The following EDIL3 variants were observed in gnomAD, a reference collection of about 807,000 sequenced individuals.
EDIL3 encodes EGF like and discoidin domains 3, also known as EGF-like repeat and discoidin I-like domain-containing protein 3.
In EDIL3, 37 loss-of-function variants were observed where a neutral mutation model predicts 67.4. The observed-to-expected ratio is 0.55, with a 90% CI of 0.42 to 0.72. The LOEUF (loss-of-function observed/expected upper bound fraction) is 0.72. EDIL3 is among the 30% of genes least tolerant of loss of function. The pLI is 0.00. For synonymous variants in EDIL3, 195 were observed against 196.3 expected (o/e 0.99, Z 0.05); for missense variants, 527 against 586.3 (o/e 0.90, Z 1.04).
chr5:83,983,356 A>G (rs566371585), intron 9 of EDIL3, among the ~76,000 whole-genome samples: 1 of 152,244 alleles, frequency 6.6e-6, no homozygotes, highest in East Asian at 1.9e-4. Flanking sequence ...TATTAATTAG[A>G]TAGGTCGACG....
intron 2 of EDIL3, among the ~76,000 whole-genome samples, chr5:84,241,062 C>T (rs1433324462): frequency 6.6e-6 from 1 of 152,162 alleles, no homozygotes; most frequent in Non-Finnish European, 1.5e-5. Context: ...ATTCCTAGGA[C>T]AGGAAGTGAT....
chr5:84,255,003 T>C (rs569049315), intron 1 of EDIL3, among the ~76,000 whole-genome samples: 25 of 152,292 alleles, frequency 1.6e-4, no homozygotes, highest in Admixed American at 1.3e-3. Context: ...AGGTAGAACA[T>C]GTATGCGATG....
intron 4 of EDIL3, among the ~76,000 whole-genome samples, chr5:84,151,245 G>T (rs771077920): frequency 6.8e-6 from 1 of 147,854 alleles, no homozygotes; most frequent in Non-Finnish European, 1.5e-5. Flanking sequence ...ACTAAGAACT[G>T]CATACACACA....
chr5:84,358,640 A>G (rs1038719127), intron 1 of EDIL3, among the ~76,000 whole-genome samples: 26 of 106,996 alleles, frequency 2.4e-4, no homozygotes, highest in African/African-American at 8.0e-4. Context: ...GTCTTGCTCT[A>G]TCACCCAGGC....
intron 9 of EDIL3, among the ~76,000 whole-genome samples, chr5:84,000,555 A>G (rs562714678): frequency 6.6e-6 from 1 of 152,068 alleles, no homozygotes; most frequent in African/African-American, 2.4e-5. Flanking sequence ...ATCTCAAATC[A>G]AAACACCTAC....
chr5:84,100,566 G>A (rs1747345073), intron 6 of EDIL3, among the ~76,000 whole-genome samples: 1 of 152,004 alleles, frequency 6.6e-6, no homozygotes. Context: ...ACACACTGGG[G>A]ACTGTTGAGT....
At chr5:84,014,250 A>C (rs1408506168) in intron 9 of EDIL3, among the ~76,000 whole-genome samples, 1 of 152,214 alleles carries the variant, frequency 6.6e-6, no homozygotes, top group Non-Finnish European at 1.5e-5. Flanking sequence ...AGTCACAGAA[A>C]TTTATATCAT....
At chr5:84,178,060 G>T (rs147592748) in intron 4 of EDIL3, among the ~76,000 whole-genome samples, 13 of 152,008 alleles carry the variant, frequency 8.6e-5, no homozygotes, top group African/African-American at 3.1e-4. Flanking sequence ...CATTTTTATT[G>T]ATTTTCAGTA....
chr5:84,318,103 G>C (rs1028418055), intron 1 of EDIL3, among the ~76,000 whole-genome samples: 1 of 152,058 alleles, frequency 6.6e-6, no homozygotes, highest in Non-Finnish European at 1.5e-5. Flanking sequence ...AACTTACAAG[G>C]TATGTGAAGG....
Position 83,941,762 on chromosome 5 carries a change from G to C in EDIL3, c.*1657C>G, listed in dbSNP as rs1311296736. On this transcript the variant is annotated 3_prime_UTR_variant, in exon 11 of 11. Coordinates refer to ENST00000296591, the MANE Select transcript of EDIL3 (RefSeq NM_005711.5). ...AAGAACAAGAAGTAGAAAGCATATG[G>C]GCAAGGAACAAATATGTGGCCAGCC... The C allele has an allele frequency of 1.3e-5, 2 of 151,894 alleles. No individual in the cohort carries two copies. The highest frequency in any genetic ancestry group is 2.4e-5 in the African/African-American group (1 of 41,408). The allele number at this position is 151,894 out of a possible 1,614,324, so 9.4% of individuals were successfully genotyped here.
chr5:84,382,843 A>C (rs1278192416), intron 1 of EDIL3, among the ~76,000 whole-genome samples: 1 of 151,970 alleles, frequency 6.6e-6, no homozygotes, highest in Non-Finnish European at 1.5e-5. Context: ...ACCTACACAC[A>C]CGCCTACACG....
At chr5:84,286,277 A>G (rs894596243) in intron 1 of EDIL3, among the ~76,000 whole-genome samples, 2 of 152,124 alleles carry the variant, frequency 1.3e-5, no homozygotes, top group African/African-American at 4.8e-5. Flanking sequence ...TCCCCATTCT[A>G]TATATTTAGA....
intron 1 of EDIL3, among the ~76,000 whole-genome samples, chr5:84,262,289 T>A (rs541579154): frequency 6.6e-6 from 1 of 151,764 alleles, no homozygotes; most frequent in South Asian, 2.1e-4. Flanking sequence ...AATCCAAATA[T>A]CTCAATTTAT....
chr5:84,127,831 C>T (rs936073849), intron 5 of EDIL3, among the ~76,000 whole-genome samples: 1 of 152,086 alleles, frequency 6.6e-6, no homozygotes, highest in Non-Finnish European at 1.5e-5. Flanking sequence ...CTTGGCAATG[C>T]TATCTAATCT....
At chr5:84,160,883 C>A (rs1748601505) in intron 4 of EDIL3, among the ~76,000 whole-genome samples, 1 of 150,104 alleles carries the variant, frequency 6.7e-6, no homozygotes, top group Non-Finnish European at 1.5e-5. Context: ...TTTGGGGAAA[C>A]CAATGGTTTT....
intron 1 of EDIL3, among the ~76,000 whole-genome samples, chr5:84,284,342 G>C (rs1745766634): frequency 6.6e-6 from 1 of 152,000 alleles, no homozygotes; most frequent in South Asian, 2.1e-4. Context: ...CTCATGAGTG[G>C]TGCAGCAATG....
At chr5:84,357,502 AC>A (rs1387405131) in intron 1 of EDIL3, among the ~76,000 whole-genome samples, 5 of 152,108 alleles carry the variant, frequency 3.3e-5, no homozygotes, top group Admixed American at 3.3e-4. Context: ...TTATACAGAC[AC>A]CCTTTAAGGT....
At chr5:83,963,106 C>G (rs1744631904) in intron 10 of EDIL3, 99 bp downstream of exon 10, 2 of 1,358,408 alleles carry the variant, frequency 1.5e-6, no homozygotes, top group South Asian at 3.5e-5. Context: ...TATATGGATA[C>G]TATTTTCAGT....
At chr5:84,214,320 C>G (rs164063) in intron 3 of EDIL3, among the ~76,000 whole-genome samples, 100,236 of 151,940 alleles carry the variant, frequency 0.66, 33,242 homozygotes, top group East Asian at 0.8. Context: ...CAGGAACCCT[C>G]AGGGAGATAA....
Sources: allele counts gnomAD v4.1 joint callset (sites outside exome capture counted in the v4.1 genomes callset), GRCh38; gene constraint gnomAD v4.1.1; transcripts MANE v1.5; gene names NCBI Gene and HGNC (gene_info 2026-07-23, HGNC 2026-07-21).